The following CACNA1A variants were observed in gnomAD, a reference collection of about 807,000 sequenced individuals.
CACNA1A encodes the protein voltage-dependent P/Q-type calcium channel subunit alpha-1A.
CACNA1A carries 57 observed loss-of-function variants against 262.4 expected under a neutral mutation model. The observed-to-expected ratio is 0.22, with a 90% CI of 0.18 to 0.27. The LOEUF is 0.27. Among genes scored for constraint, CACNA1A ranks in the 10% least tolerant of loss-of-function variants. The pLI, the probability that CACNA1A is intolerant of heterozygous loss-of-function variation, is 1.00. For synonymous variants in CACNA1A, 1,431 were observed against 1,419.3 expected (o/e 1.01, Z -0.18); for missense variants, 2,526 against 3,562.8 (o/e 0.71, Z 7.41).
intron 6 of CACNA1A, among the ~76,000 whole-genome samples, chr19:13,357,538 C>G (rs2059026823): frequency 6.6e-6 from 1 of 152,184 alleles, no homozygotes; most frequent in South Asian, 2.1e-4. Flanking sequence ...GGGGTCACTA[C>G]AGTTGTGGCA....
At chr19:13,223,318 C>G (rs1053238331) in intron 38 of CACNA1A, among the ~76,000 whole-genome samples, 12 of 152,256 alleles carry the variant, frequency 7.9e-5, no homozygotes, top group African/African-American at 2.4e-4. Context: ...CTCATCCTCC[C>G]TAGTAGCTGG....
At chr19:13,208,721 G>C (rs368820778) in intron 46 of CACNA1A, 35 bp downstream of exon 46, 4 of 1,536,952 alleles carry the variant, frequency 2.6e-6, no homozygotes, top group Non-Finnish European at 3.5e-6. Flanking sequence ...CCTCCCGGCC[G>C]AGCCCAGCCT....
At chr19:13,305,729 C>T (rs919882909) in intron 15 of CACNA1A, among the ~76,000 whole-genome samples, 2 of 152,144 alleles carry the variant, frequency 1.3e-5, no homozygotes, top group Non-Finnish European at 2.9e-5. Flanking sequence ...GTGAGAACCT[C>T]TGAGCTAAAG....
chr19:13,299,709 A>T (rs971008034), intron 18 of CACNA1A, among the ~76,000 whole-genome samples: 4 of 152,132 alleles, frequency 2.6e-5, no homozygotes, highest in African/African-American at 9.7e-5. Flanking sequence ...GCCATTGCCT[A>T]TGCTGTTCCC....
intron 22 of CACNA1A, among the ~76,000 whole-genome samples, chr19:13,282,927 C>A (rs985913359): frequency 6.6e-6 from 1 of 152,120 alleles, no homozygotes; most frequent in South Asian, 2.1e-4. Context: ...CTCTGAGCAC[C>A]GCCCCTGCCC....
chr19:13,491,910 AG>A (rs1450996700), intron 1 of CACNA1A, among the ~76,000 whole-genome samples: 1 of 152,102 alleles, frequency 6.6e-6, no homozygotes, highest in African/African-American at 2.4e-5. Flanking sequence ...CTGGGGAGGG[AG>A]GAGGCCGATA....
intron 19 of CACNA1A, among the ~76,000 whole-genome samples, chr19:13,291,058 G>T (rs1205458421): frequency 1.3e-5 from 2 of 152,126 alleles, no homozygotes; most frequent in African/African-American, 4.8e-5. Flanking sequence ...TTTCCAAAGT[G>T]TCTCCAAGGA....
chr19:13,327,618 G>C (rs2145102199), intron 10 of CACNA1A, among the ~76,000 whole-genome samples: 1 of 151,642 alleles, frequency 6.6e-6, no homozygotes, highest in South Asian at 2.1e-4. Flanking sequence ...TTGATGCCCA[G>C]GCTGGAGGGC....
At chr19:13,339,774 T>TAAA (rs200259831) in intron 6 of CACNA1A, among the ~76,000 whole-genome samples, 7 of 139,026 alleles carry the variant, frequency 5.0e-5, no homozygotes, top group African/African-American at 1.8e-4. Flanking sequence ...TGCCATGGAT[T>TAAA]AAAAAAAAAA....
intron 3 of CACNA1A, among the ~76,000 whole-genome samples, chr19:13,409,172 T>A (rs1443669698): frequency 6.6e-6 from 1 of 152,178 alleles, no homozygotes; most frequent in African/African-American, 2.4e-5. Context: ...GGAACTTTGC[T>A]TTCCCGAATG....
chr19:13,453,040 A>G, intron 2 of CACNA1A, 25 bp from the exon 3 acceptor site: 1 of 1,613,694 alleles, frequency 6.2e-7, no homozygotes, highest in South Asian at 1.1e-5. Context: ...AGGCAAGGTC[A>G]GCGTCTTGGG....
At chr19:13,381,230 A>T (rs2059518753) in intron 3 of CACNA1A, among the ~76,000 whole-genome samples, 1 of 152,000 alleles carries the variant, frequency 6.6e-6, no homozygotes, top group Non-Finnish European at 1.5e-5. Context: ...ATTAAAAAAA[A>T]TAATAACAAT....
intron 36 of CACNA1A, 52 bp from the exon 37 acceptor site, chr19:13,227,579 G>C (rs553748776): frequency 9.5e-7 from 1 of 1,049,426 alleles, no homozygotes; most frequent in South Asian, 1.6e-5. Context: ...AAAACAAAAC[G>C]GGAATGGGAA....
chr19:13,383,857 C>A (rs1298676002), intron 3 of CACNA1A, among the ~76,000 whole-genome samples: 3 of 152,094 alleles, frequency 2.0e-5, no homozygotes, highest in Non-Finnish European at 4.4e-5. Context: ...ACTCTGTCAC[C>A]CAGGCTGGCG....
At chr19:13,388,240 CTCTTCTTTTTTT>C (rs2059649320) in intron 3 of CACNA1A, among the ~76,000 whole-genome samples, 1 of 137,788 alleles carries the variant, frequency 7.3e-6, no homozygotes, top group Admixed American at 7.9e-5. Flanking sequence ...CGATTTCTTC[CTCTTCTTTTTTT>C]TTTTTTTTTT....
rs185054005 is a variant in CACNA1A, at chr19:13,299,477, A to G, written c.2280-124T>C. 1.2e-3 allele frequency: 956 copies of G among 800,306 alleles called. 7 individuals are homozygous for G. Among genetic ancestry groups the G allele is most frequent in the Non-Finnish European group, 4.4e-4 (209 of 477,524 alleles). The allele number at this position is 800,306 out of a possible 1,614,324, so 49.6% of individuals were successfully genotyped here. On this transcript the variant is annotated intron_variant, in intron 18 of 46. Transcript: ENST00000360228. ...GCTCTCCACCCTCTACTCCCCACTG[A>G]ATGCTAGGAGTCTGTGAGCATCTGA...
intron 24 of CACNA1A, chr19:13,263,138 G>A (rs2056777185): frequency 1.3e-5 from 4 of 317,830 alleles, no homozygotes; most frequent in Non-Finnish European, 1.8e-5. Context: ...AAGGGGGTTG[G>A]CTGATTCCCC....
At chr19:13,455,265 G>T in intron 1 of CACNA1A, 53 bp from the exon 2 acceptor site, 1 of 1,089,712 alleles carries the variant, frequency 9.2e-7, no homozygotes, top group Non-Finnish European at 1.4e-6. Context: ...GGTGTTGGAG[G>T]TGCACCCACC....
intron 3 of CACNA1A, among the ~76,000 whole-genome samples, chr19:13,445,881 C>T (rs2060800786): frequency 6.6e-6 from 1 of 152,088 alleles, no homozygotes; most frequent in African/African-American, 2.4e-5. Context: ...CAAACTTCAC[C>T]CAAGAAGAAG....
Sources: allele counts gnomAD v4.1 joint callset (sites outside exome capture counted in the v4.1 genomes callset), GRCh38; gene constraint gnomAD v4.1.1; transcripts MANE v1.5; gene names NCBI Gene and HGNC (gene_info 2026-07-23, HGNC 2026-07-21).